Variants in TAFA4 observed in about 807,000 individuals in gnomAD.
TAFA4 encodes TAFA chemokine like family member 4.
Under a neutral mutation model 21.1 loss-of-function variants are expected in TAFA4, and 20 were observed. The observed-to-expected ratio is 0.95, with a 90% CI of 0.67 to 1.38. TAFA4 has a LOEUF of 1.38. Among genes scored for constraint, TAFA4 ranks in the 40% most tolerant of loss-of-function variants. The probability of loss-of-function intolerance (pLI) is 0.00; values close to 1 mark genes in which losing one functional copy is unlikely to be tolerated. For missense variants in TAFA4, 211 were observed against 180.9 expected (o/e 1.17, Z -0.95); for synonymous variants, 71 against 67.4 (o/e 1.05, Z -0.26).
intron 4 of TAFA4, among the ~76,000 whole-genome samples, chr3:68,749,543 T>G (rs1252384366): frequency 6.6e-6 from 1 of 152,236 alleles, no homozygotes; most frequent in Non-Finnish European, 1.5e-5. Flanking sequence ...AAAGCCCTAA[T>G]GGAAACATAT....
chr3:68,813,210 A>C (rs1415225831), intron 3 of TAFA4, among the ~76,000 whole-genome samples: 1 of 152,062 alleles, frequency 6.6e-6, no homozygotes, highest in Non-Finnish European at 1.5e-5. Flanking sequence ...CTAAATGCCC[A>C]AAAGAGAAGC....
At chr3:68,739,412 A>G (rs532060765) in intron 4 of TAFA4, among the ~76,000 whole-genome samples, 17 of 152,354 alleles carry the variant, frequency 1.1e-4, no homozygotes, top group Non-Finnish European at 2.4e-4. Context: ...GTGAGAACGC[A>G]GAGAAAAGGG....
intron 3 of TAFA4, among the ~76,000 whole-genome samples, chr3:68,819,592 A>T (rs141660276): frequency 6.6e-6 from 1 of 152,352 alleles, no homozygotes; most frequent in Non-Finnish European, 1.5e-5. Flanking sequence ...ATAAGAACTC[A>T]AACAACTCAA....
chr3:68,860,657 T>C (rs2089324379), intron 3 of TAFA4, among the ~76,000 whole-genome samples: 1 of 152,182 alleles, frequency 6.6e-6, no homozygotes, highest in Non-Finnish European at 1.5e-5. Flanking sequence ...GCTACTGGGT[T>C]GCAGTTATGT....
chr3:68,922,394 C>T (rs549268343), intron 1 of TAFA4, among the ~76,000 whole-genome samples: 4 of 152,054 alleles, frequency 2.6e-5, no homozygotes, highest in African/African-American at 7.2e-5. Flanking sequence ...ATTTGGGGAC[C>T]GGTATACCAA....
chr3:68,863,670 ATATTCT>A (rs2089380455), intron 3 of TAFA4, among the ~76,000 whole-genome samples: 1 of 152,130 alleles, frequency 6.6e-6, no homozygotes. Flanking sequence ...TTCTGGGTTG[ATATTCT>A]TATTATTCAG....
chr3:68,889,911 C>G (rs1392595274), intron 1 of TAFA4, among the ~76,000 whole-genome samples: 1 of 152,066 alleles, frequency 6.6e-6, no homozygotes, highest in African/African-American at 2.4e-5. Context: ...AACTGTACAC[C>G]CACACAAAAA....
At chr3:68,826,452 A>T (rs1056807223) in intron 3 of TAFA4, among the ~76,000 whole-genome samples, 6 of 151,950 alleles carry the variant, frequency 3.9e-5, no homozygotes, top group African/African-American at 1.2e-4. Context: ...GGGAGCCTGT[A>T]GTCCCAGCTG....
intron 3 of TAFA4, among the ~76,000 whole-genome samples, chr3:68,848,644 G>A (rs1015272379): frequency 6.6e-6 from 1 of 152,138 alleles, no homozygotes; most frequent in Non-Finnish European, 1.5e-5. Flanking sequence ...TTTCTTCCCA[G>A]TAGTCCCCAT....
intron 3 of TAFA4, among the ~76,000 whole-genome samples, chr3:68,820,301 T>A (rs545417010): frequency 1.1e-4 from 16 of 152,282 alleles, no homozygotes; most frequent in Non-Finnish European, 1.9e-4. Flanking sequence ...ATTTGTCAAA[T>A]GACATAAAAT....
rs184916304 is a variant in TAFA4 at position 68,800,173 on chromosome 3, A to C, written c.131-47155T>G. Among the ~76,000 whole-genome samples, 579 of 152,268 alleles carry C rather than the reference A, an allele frequency of 3.8e-3. 2 individuals carry two copies. The highest frequency in any genetic ancestry group is 0.013 in the African/African-American group (551 of 41,558). Reference sequence around the variant, plus strand: ...ATAAAGTGCACAATAAATGTAATGCACTTGAATTATCCCAAAACCATCCTT... The same window carrying C: ...ATAAAGTGCACAATAAATGTAATGCCCTTGAATTATCCCAAAACCATCCTT... On this transcript the variant is annotated intron_variant, in intron 3 of 5. Transcript: ENST00000295569.
intron 3 of TAFA4, among the ~76,000 whole-genome samples, chr3:68,822,898 G>A (rs1007065939): frequency 1.3e-5 from 2 of 152,118 alleles, no homozygotes; most frequent in Non-Finnish European, 2.9e-5. Context: ...ATCCTGGTAA[G>A]TCTGCTTTAC....
intron 3 of TAFA4, among the ~76,000 whole-genome samples, chr3:68,836,808 T>C (rs993037243): frequency 6.6e-5 from 10 of 151,050 alleles, no homozygotes; most frequent in Admixed American, 2.0e-4. Context: ...GTCCTGACTA[T>C]GCTACCAGGG....
intron 3 of TAFA4, among the ~76,000 whole-genome samples, chr3:68,838,095 G>T (rs1026308929): frequency 3.9e-5 from 6 of 152,026 alleles, no homozygotes; most frequent in African/African-American, 1.2e-4. Context: ...TATGACTATA[G>T]TTAATATAGT....
intron 3 of TAFA4, among the ~76,000 whole-genome samples, chr3:68,873,638 G>C (rs1265428543): frequency 6.6e-6 from 1 of 152,132 alleles, no homozygotes; most frequent in African/African-American, 2.4e-5. Flanking sequence ...CTTGCAGGGA[G>C]GGCAGAAAAC....
At chr3:68,870,330 C>T (rs545792329) in intron 3 of TAFA4, among the ~76,000 whole-genome samples, 1 of 152,028 alleles carries the variant, frequency 6.6e-6, no homozygotes, top group Non-Finnish European at 1.5e-5. Context: ...ACATTCTTCA[C>T]AAAACTTGAA....
chr3:68,740,154 C>T (rs1702323711), intron 4 of TAFA4, among the ~76,000 whole-genome samples: 1 of 152,168 alleles, frequency 6.6e-6, no homozygotes, highest in Non-Finnish European at 1.5e-5. Context: ...AGTAGATCCT[C>T]ACCCCAGGAT....
chr3:68,798,693 G>T (rs1224129122), intron 3 of TAFA4, among the ~76,000 whole-genome samples: 1 of 152,116 alleles, frequency 6.6e-6, no homozygotes, highest in Non-Finnish European at 1.5e-5. Context: ...AAGTCAAAGT[G>T]TACAATTCAG....
At position 68,824,857 on chromosome 3, in the gene TAFA4, C is replaced by T. The variant is rs578050412; in HGVS notation, c.130+55873G>A. Among the ~76,000 whole-genome samples, 8 of 152,314 alleles carry T rather than the reference C, an allele frequency of 5.3e-5. No homozygotes were observed. The East Asian group carries it at 1.5e-3, about 29-fold the overall frequency. The stretch of plus-strand genomic sequence containing the variant: ...AACGGCAGCTACTTTTAAGTACCTA[C>T]TATGAATCGGGCATTTTACGCGTAC... On this transcript the variant is annotated intron_variant, in intron 3 of 5. Transcript: ENST00000295569.
Sources: allele counts gnomAD v4.1 joint callset (sites outside exome capture counted in the v4.1 genomes callset), GRCh38; gene constraint gnomAD v4.1.1; transcripts MANE v1.5; gene names NCBI Gene and HGNC (gene_info 2026-07-23, HGNC 2026-07-21).